The following LRIG3 variants were observed in gnomAD, a reference collection of about 807,000 sequenced individuals.
LRIG3 encodes leucine-rich repeats and immunoglobulin-like domains protein 3.
In LRIG3, 76 loss-of-function variants were observed where a neutral mutation model predicts 114.5. The observed-to-expected ratio is 0.66, with a 90% CI of 0.55 to 0.80. The LOEUF (loss-of-function observed/expected upper bound fraction) is 0.80, where lower values mean the gene tolerates loss of function less well. Among genes scored for constraint, LRIG3 ranks in the 30% least tolerant of loss-of-function variants. The pLI is 0.00. For synonymous variants in LRIG3, 512 were observed against 519.8 expected (o/e 0.98, Z 0.20); for missense variants, 1,239 against 1,382.8 (o/e 0.90, Z 1.65).
At chr12:58,890,543 A>T in intron 4 of LRIG3, 122 bp downstream of exon 4, 1 of 934,966 alleles carries the variant, frequency 1.1e-6, no homozygotes, top group Non-Finnish European at 1.5e-6. Flanking sequence ...GCAAATTTCA[A>T]GTCAATAAAT....
At chr12:58,890,285 T>C (rs576180839) in intron 4 of LRIG3, 146 bp from the exon 5 acceptor site, 7 of 882,154 alleles carry the variant, frequency 7.9e-6, no homozygotes, top group Admixed American at 5.8e-5. Flanking sequence ...CAAGGACAGA[T>C]GTTAAGATTC....
chr12:58,899,060 C>T (rs368622301), intron 3 of LRIG3, among the ~76,000 whole-genome samples: 1 of 152,324 alleles, frequency 6.6e-6, no homozygotes, highest in South Asian at 2.1e-4. Context: ...TAGCACACAT[C>T]AGGATTGGTG....
intron 15 of LRIG3, 23 bp from the exon 16 acceptor site, chr12:58,876,626 T>C: frequency 6.2e-7 from 1 of 1,613,558 alleles, no homozygotes; most frequent in Non-Finnish European, 8.5e-7. Context: ...AGCAGCATTT[T>C]ATTAACCAAG....
chr12:58,905,354 T>A (rs945597370), intron 3 of LRIG3, among the ~76,000 whole-genome samples: 8 of 152,256 alleles, frequency 5.3e-5, no homozygotes, highest in Non-Finnish European at 1.2e-4. Flanking sequence ...CAGCTCTGTG[T>A]ATAGTAAACT....
chr12:58,913,060 T>A (rs979358295), intron 3 of LRIG3, among the ~76,000 whole-genome samples: 1 of 152,170 alleles, frequency 6.6e-6, no homozygotes, highest in African/African-American at 2.4e-5. Flanking sequence ...AACAAACCTC[T>A]ATAAATCACC....
In LRIG3 at chr12:58,882,846, G is replaced by T. The variant is rs1406315395; in HGVS notation, c.1480+23C>A. The stretch of plus-strand genomic sequence containing the variant: ...GGGAAAAAAGAAGAATAAATAAAAG[G>T]CAAGGGCAATACTTATACTCACCAC... On this transcript the variant is annotated intron_variant, in intron 12 of 18. Coordinates refer to ENST00000320743, the MANE Select transcript of LRIG3 (RefSeq NM_153377.5). 7 of 1,562,562 alleles carry T rather than the reference G, an allele frequency of 4.5e-6. No individual in the cohort carries two copies. In the South Asian group the frequency reaches 8.4e-5, roughly 19 times the overall value.
chr12:58,895,645 G>A (rs1253890710), intron 3 of LRIG3, among the ~76,000 whole-genome samples: 1 of 152,138 alleles, frequency 6.6e-6, no homozygotes, highest in Admixed American at 6.5e-5. Flanking sequence ...CAACTGTGGG[G>A]AGGGGGCCAG....
Position 58,877,476 on chromosome 12 carries a change from C to T in LRIG3, c.2460G>A (p.Val820=). 1 of 1,614,192 alleles carries T rather than the reference C, an allele frequency of 6.2e-7. No homozygotes were observed. Among genetic ancestry groups the T allele is most frequent in the South Asian group, 1.1e-5 (1 of 91,084 alleles). The change falls in exon 15 of 19, where the codon GTG becomes GTA. Residue 820 remains valine, a synonymous_variant. Transcript: ENST00000320743. ...TGACCACCCACACGAGTGACGTGCC[C>T]ACCACACAGCAAACCACGGCTATGA... The part of the protein sequence containing the change: ...VVIIAVVCCV[V]GTSLVWVVII...
Position 58,877,652 on chromosome 12 carries a change from CA to C in LRIG3, c.2283del (p.Asp761GlufsTer24). The C allele has an allele frequency of 6.2e-7, 1 of 1,614,190 alleles. No homozygotes were observed. Among genetic ancestry groups the C allele is most frequent in the Non-Finnish European group, 8.5e-7 (1 of 1,180,038 alleles). On this transcript the variant is annotated frameshift_variant, in exon 15 of 19. Transcript: ENST00000320743. LOFTEE classifies it high-confidence loss of function. ...GACATCTCACATGTGTATTTCCCAG[CA>C]TCACTGACATCTGAGTCCACAATAA... The part of the protein sequence containing the change: ...LLIIVDSDVS[D>X]AGKYTCEMSN...
chr12:58,889,051 C>A, intron 5 of LRIG3, 89 bp from the exon 6 acceptor site: 1 of 1,250,190 alleles, frequency 8.0e-7, no homozygotes, highest in Non-Finnish European at 1.1e-6. Flanking sequence ...TATAGTTCAA[C>A]CAGTCAGTGT....
chr12:58,892,749 G>C (rs1280122113), intron 3 of LRIG3, among the ~76,000 whole-genome samples: 2 of 152,132 alleles, frequency 1.3e-5, no homozygotes, highest in East Asian at 3.9e-4. Flanking sequence ...AAATTTCTCT[G>C]GTACAGACAT....
intron 3 of LRIG3, among the ~76,000 whole-genome samples, chr12:58,907,398 A>G (rs1347302641): frequency 6.6e-6 from 1 of 152,112 alleles, no homozygotes; most frequent in Non-Finnish European, 1.5e-5. Context: ...TTTTCCTGAA[A>G]ATTCACCCCC....
At position 58,884,990 on chromosome 12, in the gene LRIG3, T is replaced by C. The variant is rs574518245; in HGVS notation, c.1244+841A>G. Among the ~76,000 whole-genome samples, 9 of 152,296 alleles carry C rather than the reference T, an allele frequency of 5.9e-5. No individual in the cohort carries two copies. In the South Asian group the frequency reaches 1.9e-3, roughly 32 times the overall value. On this transcript the variant is annotated intron_variant, in intron 10 of 18. Coordinates refer to ENST00000320743, the MANE Select transcript of LRIG3 (RefSeq NM_153377.5). ...ACATGCAAGTTTTGATTCCTATCAA[T>C]GTTAGCTAGCTTTCCTCTCTTAGTG...
intron 12 of LRIG3, among the ~76,000 whole-genome samples, chr12:58,881,299 A>G (rs1871120453): frequency 6.6e-6 from 1 of 152,160 alleles, no homozygotes; most frequent in Non-Finnish European, 1.5e-5. Context: ...TGTTCTCCCC[A>G]GATAATGAGC....
At chr12:58,889,004 A>T in intron 5 of LRIG3, 42 bp from the exon 6 acceptor site, 1 of 1,581,240 alleles carries the variant, frequency 6.3e-7, no homozygotes, top group Non-Finnish European at 8.6e-7. Flanking sequence ...TGACAATTAA[A>T]TTCTGGAGGT....
At chr12:58,875,606 C>CAATA (rs1343676991) in intron 16 of LRIG3, among the ~76,000 whole-genome samples, 2 of 152,182 alleles carry the variant, frequency 1.3e-5, no homozygotes, top group African/African-American at 4.8e-5. Context: ...TGCACAAGTA[C>CAATA]CTCACCAGAA....
chr12:58,872,828 A>C lies in LRIG3; in HGVS notation c.3116-12T>G. ...TTTTCCAAAGGTACCTGAAAGAAAG[A>C]AACACCTTGAGCACATGGGTCCCTT... On this transcript the variant is annotated splice_polypyrimidine_tract_variant and intron_variant, in intron 18 of 18. Coordinates refer to ENST00000320743, the MANE Select transcript of LRIG3 (RefSeq NM_153377.5). The C allele has an allele frequency of 1.2e-6, 2 of 1,608,494 alleles. No individual in the cohort carries two copies. Among genetic ancestry groups the C allele is most frequent in the Non-Finnish European group, 1.7e-6 (2 of 1,176,622 alleles).
chr12:58,885,966 A>T lies in LRIG3; in HGVS notation c.1173-64T>A, dbSNP rs185893649. 8.8e-4 allele frequency: 868 copies of T among 990,716 alleles called. 6 individuals carry two copies. The African/African-American group carries it at 0.012, about 14-fold the overall frequency. 61.4% of individuals were successfully genotyped at this position (990,716 alleles called of 1,614,324 possible). Reference sequence around the variant, plus strand: ...AGCCATTTTGGGGTGGAACTCTCATAAACAGAACTGCTTTTTAAATTATGT... The same window carrying T: ...AGCCATTTTGGGGTGGAACTCTCATTAACAGAACTGCTTTTTAAATTATGT... On this transcript the variant is annotated intron_variant, in intron 9 of 18. Coordinates refer to ENST00000320743, the MANE Select transcript of LRIG3 (RefSeq NM_153377.5).
chr12:58,885,886 G>A lies in LRIG3; in HGVS notation c.1189C>T (p.Arg397Trp), dbSNP rs776106507. The A allele has an allele frequency of 1.5e-5, 24 of 1,584,934 alleles. No homozygotes were observed. Among genetic ancestry groups the A allele is most frequent in the African/African-American group, 2.7e-5 (2 of 74,022 alleles). Residue 397 changes from arginine (R) to tryptophan (W), a missense_variant, in exon 10 of 19, where the codon CGG becomes TGG. Arg to Trp is a moderately radical substitution (Grantham distance 101). Transcript: ENST00000320743. Reference protein sequence around the residue: ...KLRRLILQGNRIRSITKKAFT... With the variant: ...KLRRLILQGNWIRSITKKAFT... ...GCTTTTTTAGTAATAGAACGGATCCGATTTCCTTGGAGTATCCTGGGGAAA... is the reference window on the plus strand; with the variant it reads ...GCTTTTTTAGTAATAGAACGGATCCAATTTCCTTGGAGTATCCTGGGGAAA...
Sources: allele counts gnomAD v4.1 joint callset (sites outside exome capture counted in the v4.1 genomes callset), GRCh38; gene constraint gnomAD v4.1.1; transcripts MANE v1.5; gene names NCBI Gene and HGNC (gene_info 2026-07-23, HGNC 2026-07-21).